The following CPSF4 variants were observed in gnomAD, a reference collection of about 807,000 sequenced individuals.
The protein encoded by CPSF4 is cleavage and polyadenylation specific factor 4.
A neutral mutation model predicts 37.7 loss-of-function variants in CPSF4; 11 were observed. The ratio of observed to expected loss-of-function variants is 0.29; its 90% CI spans 0.18 to 0.48. CPSF4 has a LOEUF of 0.48. CPSF4 is among the 20% of genes least tolerant of loss of function. The pLI, the probability that CPSF4 is intolerant of heterozygous loss-of-function variation, is 0.99. For synonymous variants in CPSF4, 132 were observed against 135.9 expected, an observed-to-expected ratio of 0.97 and a Z score of 0.20; for missense variants, 144 against 359.5, an observed-to-expected ratio of 0.40 and a Z score of 4.85.
At position 99,450,677 on chromosome 7, in the gene CPSF4, A is replaced by G. The variant is rs201191297; in HGVS notation, c.404-25A>G. The G allele has an allele frequency of 3.1e-5, 49 of 1,577,626 alleles. No homozygotes were observed. In the African/African-American group the frequency reaches 4.2e-4, roughly 13 times the overall value. On this transcript the variant is annotated intron_variant, in intron 4 of 7. Coordinates refer to ENST00000292476, the MANE Select transcript of CPSF4 (RefSeq NM_006693.4). The stretch of plus-strand genomic sequence containing the variant: ...CTCTAACTGGTAGAGGGGACATCTA[A>G]GTGACCGGACACTTGGCTCTGCAGG...
Position 99,446,771 on chromosome 7 carries a change from C to CT in CPSF4, c.155-1313dup, listed in dbSNP as rs762892785. ...TACAGGTGTACACCACCATACCCAG[C>CT]TTTTTTTTTTTTTTTTTTTTTTTTT... is the stretch of plus-strand genomic sequence containing the variant. On this transcript the variant is annotated intron_variant, in intron 2 of 7. Coordinates refer to ENST00000292476, the MANE Select transcript of CPSF4 (RefSeq NM_006693.4). Among the ~76,000 whole-genome samples the CT allele has an allele frequency of 3.7e-3, 107 of 29,124 alleles. 42 individuals carry two copies. The highest frequency in any genetic ancestry group is 4.7e-3 in the Non-Finnish European group (78 of 16,518). 19.1% of individuals were successfully genotyped at this position (29,124 alleles called of 152,430 possible). A position where few individuals can be genotyped will look rare whatever the true frequency, so the allele number is the denominator to read the frequency against.
rs545009584 is a variant in CPSF4 at position 99,438,953 on chromosome 7, G to GGGCGGCGGCGGC, written c.-119_-108dup. On this transcript the variant is annotated 5_prime_UTR_variant, in exon 1 of 8. Transcript: ENST00000292476. ...GCTCCGGGCGCTCCCGGCATCCCTC[G>GGGCGGCGGCGGC]GGCGGCGGCGGCGGCGGCGGCGAGG... 3.7e-6 allele frequency: 5 copies of GGGCGGCGGCGGC among 1,346,860 alleles called. No individual in the cohort carries two copies. The Admixed American group carries it at 1.6e-4, about 43-fold the overall frequency. The allele number at this position is 1,346,860 out of a possible 1,614,324, so 83.4% of individuals were successfully genotyped here.
rs1342957446 is a variant in CPSF4, at chr7:99,448,481, A to T, written c.307+208A>T. ...TCTCTTTTTTTTTTTTTTTTTTTTTAAAGACATAGGGTCTCGCTATGTTTC... is the reference window on the plus strand; with the variant it reads ...TCTCTTTTTTTTTTTTTTTTTTTTTTAAGACATAGGGTCTCGCTATGTTTC... On this transcript the variant is annotated intron_variant, in intron 3 of 7. Coordinates refer to ENST00000292476, the MANE Select transcript of CPSF4 (RefSeq NM_006693.4). This position sits in a 1 kb window ranked among gnomAD's most constrained non-coding sequence, Gnocchi z 4.4. 1,417 of 348,412 alleles carry T rather than the reference A, an allele frequency of 4.1e-3. No homozygotes were observed. The highest frequency in any genetic ancestry group is 6.6e-3 in the Middle Eastern group (8 of 1,204). The allele number at this position is 348,412 out of a possible 1,614,324, so 21.6% of individuals were successfully genotyped here.
intron 3 of CPSF4, among the ~76,000 whole-genome samples, chr7:99,450,042 C>T (rs1797824747): frequency 6.6e-6 from 1 of 152,176 alleles, no homozygotes; most frequent in Non-Finnish European, 1.5e-5. Context: ...TTCCCCTACC[C>T]TTGTCCCAGC....
chr7:99,447,650 C>T (rs1415003895), intron 2 of CPSF4: 16 of 212,426 alleles, frequency 7.5e-5, no homozygotes, highest in South Asian at 3.5e-4. Context: ...TGTGCAGTGG[C>T]GCGATCTCTG....
At chr7:99,444,584 T>TC (rs1252662037) in intron 1 of CPSF4, among the ~76,000 whole-genome samples, 1 of 152,202 alleles carries the variant, frequency 6.6e-6, no homozygotes, top group Admixed American at 6.5e-5. Context: ...GTTCTCAATG[T>TC]ATGTGTCTCA....
chr7:99,445,925 T>C (rs1267837652), intron 2 of CPSF4, among the ~76,000 whole-genome samples: 1 of 152,110 alleles, frequency 6.6e-6, no homozygotes, highest in Non-Finnish European at 1.5e-5. Flanking sequence ...GAAGTATCAC[T>C]AGGTACAACC....
intron 2 of CPSF4, among the ~76,000 whole-genome samples, chr7:99,445,480 T>C (rs1225752508): frequency 6.6e-6 from 1 of 152,204 alleles, no homozygotes; most frequent in Non-Finnish European, 1.5e-5. Context: ...ATTCTTACTT[T>C]AGTTCAGCAA....
intron 1 of CPSF4, among the ~76,000 whole-genome samples, chr7:99,444,055 G>A (rs180862813): frequency 6.6e-6 from 1 of 152,320 alleles, no homozygotes; most frequent in African/African-American, 2.4e-5. Flanking sequence ...CCTCCTCAGA[G>A]GCCCTGATTG....
intron 3 of CPSF4, 124 bp from the exon 4 acceptor site, chr7:99,450,152 T>G: frequency 2.8e-6 from 2 of 716,200 alleles, no homozygotes; most frequent in Non-Finnish European, 5.0e-6. Context: ...TCAGAAACAC[T>G]CTTCCCTGGC....
chr7:99,440,189 A>C (rs1054697612), intron 1 of CPSF4, among the ~76,000 whole-genome samples: 3 of 152,182 alleles, frequency 2.0e-5, no homozygotes, highest in Admixed American at 2.0e-4. Context: ...ACAATCACTC[A>C]GTGCATAGCA....
chr7:99,447,983 C>G (rs892972737), intron 2 of CPSF4, 138 bp from the exon 3 acceptor site: 10 of 741,144 alleles, frequency 1.3e-5, no homozygotes, highest in Non-Finnish European at 2.3e-5. Context: ...TGAGGGGGAC[C>G]TCTGCCCCTT....
intron 6 of CPSF4, 120 bp downstream of exon 6, chr7:99,452,560 G>C: frequency 1.2e-6 from 1 of 857,048 alleles, no homozygotes; most frequent in Non-Finnish European, 1.9e-6. Flanking sequence ...GAGGAGGGGA[G>C]TCTCCCAAGT....
At position 99,440,655 on chromosome 7, in the gene CPSF4, C is replaced by CGCATATATATATATATATATATAT. The variant is rs1363427698; in HGVS notation, c.103+1470_103+1471insGCATATATATATATATATATATAT. Among the ~76,000 whole-genome samples, 29 of 90,578 alleles carry CGCATATATATATATATATATATAT rather than the reference C, an allele frequency of 3.2e-4. 2 individuals carry two copies. The highest frequency in any genetic ancestry group is 1.1e-3 in the African/African-American group (13 of 11,722). The allele number at this position is 90,578 out of a possible 152,430, so 59.4% of individuals were successfully genotyped here. A position where few individuals can be genotyped will look rare whatever the true frequency, so the allele number is the denominator to read the frequency against. ...TATAGGCATGAGCCACTGCACCTGGCATATATATATATATATATATTTTTT... is the reference window on the plus strand; with the variant it reads ...TATAGGCATGAGCCACTGCACCTGGCGCATATATATATATATATATATATATATATATATATATATATATTTTTT... On this transcript the variant is annotated intron_variant, in intron 1 of 7. Coordinates refer to ENST00000292476, the MANE Select transcript of CPSF4 (RefSeq NM_006693.4).
intron 2 of CPSF4, among the ~76,000 whole-genome samples, chr7:99,446,772 T>C (rs796891010): frequency 3.3e-5 from 2 of 61,440 alleles, no homozygotes; most frequent in East Asian, 4.2e-4. Flanking sequence ...CATACCCAGC[T>C]TTTTTTTTTT....
In CPSF4 at chr7:99,453,958, C is replaced by G; in HGVS notation, c.571-8C>G. 1 of 1,613,686 alleles carries G rather than the reference C, an allele frequency of 6.2e-7. No homozygotes were observed. Among genetic ancestry groups the G allele is most frequent in the Non-Finnish European group, 8.5e-7 (1 of 1,179,736 alleles). On this transcript the variant is annotated splice_region_variant and splice_polypyrimidine_tract_variant and intron_variant, in intron 6 of 7. Coordinates refer to ENST00000292476, the MANE Select transcript of CPSF4 (RefSeq NM_006693.4). This position sits in a 1 kb window ranked among gnomAD's most constrained non-coding sequence, Gnocchi z 4.7. ...CACAGTAAAACCGTGTTGTGTAACTCTTTCCAGCAAAGTAACAATCCGCCA... is the reference window on the plus strand; with the variant it reads ...CACAGTAAAACCGTGTTGTGTAACTGTTTCCAGCAAAGTAACAATCCGCCA...
At position 99,456,613 on chromosome 7, in the gene CPSF4, G is replaced by C. The variant is rs368766874; in HGVS notation, c.*113G>C. 1 of 868,630 alleles carries C rather than the reference G, an allele frequency of 1.2e-6. No homozygotes were observed. The highest frequency in any genetic ancestry group is 1.6e-5 in the African/African-American group (1 of 60,864). 53.8% of individuals were successfully genotyped at this position (868,630 alleles called of 1,614,324 possible). On this transcript the variant is annotated 3_prime_UTR_variant, in exon 8 of 8. Coordinates refer to ENST00000292476, the MANE Select transcript of CPSF4 (RefSeq NM_006693.4). ...GTGGCTCGAGCTGGCCCGCAGACAC[G>C]TGGGTTTCATCACTCTGAGGGGCCA... is the stretch of plus-strand genomic sequence containing the variant.
chr7:99,442,878 TTTC>T, intron 1 of CPSF4: 1 of 1,161,384 alleles, frequency 8.6e-7, no homozygotes. Flanking sequence ...ATCAAGAACC[TTTC>T]ATCAGGCAAT....
chr7:99,446,160 G>A (rs941347374), intron 2 of CPSF4, among the ~76,000 whole-genome samples: 3 of 152,118 alleles, frequency 2.0e-5, no homozygotes, highest in Non-Finnish European at 4.4e-5. Context: ...CAGTCAGAAC[G>A]TCATTACCTC....
Sources: allele counts gnomAD v4.1 joint callset (sites outside exome capture counted in the v4.1 genomes callset), GRCh38; gene constraint gnomAD v4.1.1; non-coding constraint Gnocchi (gnomAD v3.1); transcripts MANE v1.5; gene names NCBI Gene and HGNC (gene_info 2026-07-23, HGNC 2026-07-21).